The following MAGI2 variants were observed in gnomAD, a reference collection of about 807,000 sequenced individuals.
MAGI2 encodes membrane associated guanylate kinase, WW and PDZ domain containing 2.
In MAGI2, 35 loss-of-function variants were observed where a neutral mutation model predicts 133.3. The ratio of observed to expected loss-of-function variants is 0.26; its 90% CI spans 0.20 to 0.35. The LOEUF (loss-of-function observed/expected upper bound fraction) is 0.35. MAGI2 is among the 10% of genes least tolerant of loss of function. MAGI2 has a pLI of 1.00. For synonymous variants in MAGI2, 729 were observed against 710.6 expected, an observed-to-expected ratio of 1.03 and a Z score of -0.41; for missense variants, 1,636 against 1,863.4, an observed-to-expected ratio of 0.88 and a Z score of 2.25.
intron 2 of MAGI2, among the ~76,000 whole-genome samples, chr7:78,636,678 G>T (rs1360422925): frequency 6.6e-6 from 1 of 152,050 alleles, no homozygotes. Context: ...GGCGCCTGTA[G>T]TCCCAGCTAC....
At chr7:78,131,672 T>C (rs921985171) in intron 18 of MAGI2, among the ~76,000 whole-genome samples, 1 of 152,218 alleles carries the variant, frequency 6.6e-6, no homozygotes, top group Non-Finnish European at 1.5e-5. Context: ...TTCTCTTTAA[T>C]GGCTGAACCC....
chr7:78,861,288 A>G (rs902999206), intron 2 of MAGI2, among the ~76,000 whole-genome samples: 3 of 152,106 alleles, frequency 2.0e-5, no homozygotes, highest in African/African-American at 7.2e-5. Context: ...AAATGCAGAA[A>G]TCACCCGTCT....
rs182733481 is a variant in MAGI2 at position 78,827,814 on chromosome 7, T to C, written c.418+179276A>G. On this transcript the variant is annotated intron_variant, in intron 2 of 21. Transcript: ENST00000354212. The stretch of plus-strand genomic sequence containing the variant: ...AATAGGGGAGAAAAGAACAACTATA[T>C]ACAGAAGAATTCAAAATAAATTATG... Among the ~76,000 whole-genome samples, 195 of 152,262 alleles carry C rather than the reference T, an allele frequency of 1.3e-3. 1 individual carries two copies. Among genetic ancestry groups the C allele is most frequent in the African/African-American group, 4.5e-3 (186 of 41,542 alleles).
chr7:79,197,090 G>GT (rs1828154303), intron 1 of MAGI2, among the ~76,000 whole-genome samples: 2 of 151,750 alleles, frequency 1.3e-5, no homozygotes, highest in African/African-American at 4.9e-5. Context: ...CCAGAAGTTT[G>GT]TTTTTTACAT....
chr7:78,388,549 C>T (rs77407087), intron 6 of MAGI2, among the ~76,000 whole-genome samples: 2,361 of 152,206 alleles, frequency 0.016, 58 homozygotes, highest in African/African-American at 0.054. Context: ...AGACTTTATT[C>T]TTTTCTTCCT....
intron 6 of MAGI2, among the ~76,000 whole-genome samples, chr7:78,482,667 G>A (rs7784896): frequency 0.4 from 61,030 of 151,624 alleles, 13,071 homozygotes; most frequent in East Asian, 0.68. Context: ...TACACACATT[G>A]TGATTCCATT....
chr7:78,438,411 C>T (rs963530927), intron 6 of MAGI2, among the ~76,000 whole-genome samples: 9 of 152,146 alleles, frequency 5.9e-5, no homozygotes, highest in Non-Finnish European at 1.3e-4. Flanking sequence ...GCCTCTAGAA[C>T]TTTAATATAT....
chr7:78,996,119 C>G (rs977682555), intron 2 of MAGI2, among the ~76,000 whole-genome samples: 1 of 152,132 alleles, frequency 6.6e-6, no homozygotes, highest in African/African-American at 2.4e-5. Context: ...GACCCACCAA[C>G]CATTCTCCCT....
intron 14 of MAGI2, among the ~76,000 whole-genome samples, chr7:78,174,985 G>A (rs560574180): frequency 2.1e-4 from 32 of 152,338 alleles, no homozygotes; most frequent in Non-Finnish European, 3.8e-4. Flanking sequence ...GGTGATGGAA[G>A]TGTCACATTT....
intron 1 of MAGI2, among the ~76,000 whole-genome samples, chr7:79,374,329 AACAC>A (rs35379400): frequency 4.7e-5 from 7 of 149,682 alleles, no homozygotes; most frequent in African/African-American, 1.7e-4. Flanking sequence ...CACCCACACA[AACAC>A]ACACACACAC....
intron 2 of MAGI2, among the ~76,000 whole-genome samples, chr7:79,002,426 G>C (rs906255356): frequency 6.6e-6 from 1 of 151,936 alleles, no homozygotes; most frequent in African/African-American, 2.4e-5. Flanking sequence ...AAATAATGAA[G>C]AATCAATCTC....
intron 10 of MAGI2, among the ~76,000 whole-genome samples, chr7:78,237,954 C>A (rs1790727650): frequency 6.6e-6 from 1 of 152,108 alleles, no homozygotes; most frequent in African/African-American, 2.4e-5. Flanking sequence ...CACGTTAGCT[C>A]AAAATATTTG....
chr7:78,229,531 G>A (rs1352048627), intron 10 of MAGI2, among the ~76,000 whole-genome samples: 2 of 152,142 alleles, frequency 1.3e-5, no homozygotes, highest in African/African-American at 2.4e-5. Context: ...CGAGCTTCAC[G>A]TCAAAAAGGC....
intron 14 of MAGI2, among the ~76,000 whole-genome samples, chr7:78,172,690 A>G (rs898856575): frequency 6.6e-6 from 1 of 152,146 alleles, no homozygotes; most frequent in African/African-American, 2.4e-5. Flanking sequence ...ACCATTTCGT[A>G]TATACAGAGG....
intron 2 of MAGI2, among the ~76,000 whole-genome samples, chr7:78,732,554 G>A (rs1488516403): frequency 6.6e-6 from 1 of 152,180 alleles, no homozygotes; most frequent in East Asian, 1.9e-4. Context: ...GAATATAGGA[G>A]TGATGTATTT....
At chr7:78,386,281 G>A (rs1795384419) in intron 6 of MAGI2, among the ~76,000 whole-genome samples, 1 of 152,086 alleles carries the variant, frequency 6.6e-6, no homozygotes, top group African/African-American at 2.4e-5. Flanking sequence ...TGCAAAAAAA[G>A]TAGAGGATTT....
chr7:78,207,256 G>A (rs931702097), intron 10 of MAGI2, among the ~76,000 whole-genome samples: 3 of 152,068 alleles, frequency 2.0e-5, no homozygotes, highest in African/African-American at 7.2e-5. Context: ...GGATTGTAGG[G>A]AATAAACTGA....
At chr7:78,288,861 A>G (rs1796414550) in intron 9 of MAGI2, among the ~76,000 whole-genome samples, 1 of 152,204 alleles carries the variant, frequency 6.6e-6, no homozygotes, top group African/African-American at 2.4e-5. Flanking sequence ...ACCTCCAGCA[A>G]ACTCTAACAG....
intron 1 of MAGI2, among the ~76,000 whole-genome samples, chr7:79,294,723 T>G (rs994461285): frequency 3.2e-4 from 40 of 123,630 alleles, no homozygotes; most frequent in African/African-American, 1.3e-3. Flanking sequence ...TTTGGTAGCT[T>G]TTTTTTTTTT....
Sources: gnomAD v4.1 joint callset for allele counts (sites outside exome capture counted in the v4.1 genomes callset) on GRCh38, gnomAD v4.1.1 for gene constraint, MANE v1.5 for transcripts, NCBI Gene and HGNC (gene_info 2026-07-23, HGNC 2026-07-21) for gene names.